WASHC2C: variants seen among roughly 807,000 people sequenced by gnomAD.
WASHC2C encodes Vaccinia Penetration Factor.
WASHC2C carries 73 observed loss-of-function variants against 142.2 expected under a neutral mutation model. That is an observed-to-expected ratio of 0.51 (90% CI 0.43 to 0.62). WASHC2C has a LOEUF of 0.62. Among genes scored for constraint, WASHC2C ranks in the 20% least tolerant of loss-of-function variants. The pLI, the probability that WASHC2C is intolerant of heterozygous loss-of-function variation, is 0.00. For missense variants in WASHC2C, 969 were observed against 1,531.7 expected (o/e 0.63, Z 6.13); for synonymous variants, 337 against 565.5 (o/e 0.60, Z 5.73).
intron 5 of WASHC2C, among the ~76,000 whole-genome samples, chr10:45,742,870 C>CTT (rs1446012396): frequency 6.8e-6 from 1 of 147,650 alleles, no homozygotes; most frequent in Non-Finnish European, 1.5e-5. Context: ...ACTTTGGCAT[C>CTT]TTTTTTCTTT....
intron 3 of WASHC2C, among the ~76,000 whole-genome samples, chr10:45,733,999 G>A (rs1389482973): frequency 2.6e-5 from 4 of 152,004 alleles, no homozygotes; most frequent in East Asian, 1.9e-4. Context: ...CGAGGTGGGC[G>A]GATCAGGAGG....
At chr10:45,769,337 C>A in intron 19 of WASHC2C, 112 bp from the exon 20 acceptor site, 1 of 1,445,682 alleles carries the variant, frequency 6.9e-7, no homozygotes, top group South Asian at 1.3e-5. Context: ...CAAGGATGGT[C>A]TTGATCTGCT....
chr10:45,784,302 A>ATACG (rs2135705343), intron 23 of WASHC2C, among the ~76,000 whole-genome samples: 3 of 68,950 alleles, frequency 4.4e-5, no homozygotes, highest in African/African-American at 1.7e-4. Flanking sequence ...ACATATATAT[A>ATACG]TATATATATA....
chr10:45,751,639 A>G (rs1157184486), intron 11 of WASHC2C, 86 bp downstream of exon 11: 3 of 811,212 alleles, frequency 3.7e-6, no homozygotes, highest in East Asian at 2.7e-5. Flanking sequence ...ACTGCTTTAC[A>G]TGCTGTTTTC....
intron 17 of WASHC2C, among the ~76,000 whole-genome samples, chr10:45,761,380 G>A (rs1259465020): frequency 6.6e-6 from 1 of 152,164 alleles, no homozygotes; most frequent in African/African-American, 2.4e-5. Flanking sequence ...TCATTTGTTG[G>A]TCAAGATGGT....
chr10:45,735,504 T>A (rs113991585), intron 3 of WASHC2C, among the ~76,000 whole-genome samples: 1 of 149,856 alleles, frequency 6.7e-6, no homozygotes, highest in Non-Finnish European at 1.5e-5. Context: ...GGATTACAGG[T>A]ATGAGCCTCC....
At chr10:45,754,892 C>T (rs782771519) in intron 14 of WASHC2C, 44 bp from the exon 15 acceptor site, 1 of 1,610,808 alleles carries the variant, frequency 6.2e-7, no homozygotes, top group Non-Finnish European at 8.5e-7. Flanking sequence ...TCAACCGGCC[C>T]ACACTGGCTC....
At chr10:45,789,824 G>C (rs2058290991) in intron 29 of WASHC2C, among the ~76,000 whole-genome samples, 1 of 147,092 alleles carries the variant, frequency 6.8e-6, no homozygotes, top group Non-Finnish European at 1.5e-5. Context: ...CAGCTCCACT[G>C]GTCCAGCTTG....
chr10:45,736,301 G>A (rs1554864650), intron 3 of WASHC2C, among the ~76,000 whole-genome samples: 1 of 149,568 alleles, frequency 6.7e-6, no homozygotes, highest in Non-Finnish European at 1.5e-5. Context: ...AGCTACTCAG[G>A]AGGCTGAGGC....
At chr10:45,748,461 T>C (rs2053129179) in intron 8 of WASHC2C, among the ~76,000 whole-genome samples, 1 of 152,040 alleles carries the variant, frequency 6.6e-6, no homozygotes, top group South Asian at 2.1e-4. Context: ...AGCTAGTTTT[T>C]GTATTTTTAG....
At chr10:45,779,416 A>T (rs1389373864) in intron 23 of WASHC2C, among the ~76,000 whole-genome samples, 3 of 151,804 alleles carry the variant, frequency 2.0e-5, no homozygotes, top group African/African-American at 4.8e-5. Context: ...CAGTTGTGGG[A>T]TGTAAACAGC....
chr10:45,741,646 GA>G (rs1324555302), intron 5 of WASHC2C, among the ~76,000 whole-genome samples: 28 of 152,134 alleles, frequency 1.8e-4, no homozygotes, highest in African/African-American at 6.8e-4. Context: ...GTTGTTGTGT[GA>G]AACGTCAGAA....
chr10:45,779,774 C>G (rs1413717069), intron 23 of WASHC2C, among the ~76,000 whole-genome samples: 1 of 152,044 alleles, frequency 6.6e-6, no homozygotes, highest in African/African-American at 2.4e-5. Flanking sequence ...ATCACAAGGT[C>G]AAGAGATCGA....
At chr10:45,743,189 C>T (rs879966978) in intron 5 of WASHC2C, among the ~76,000 whole-genome samples, 2 of 151,912 alleles carry the variant, frequency 1.3e-5, no homozygotes, top group Non-Finnish European at 2.9e-5. Flanking sequence ...ACCTTGACAT[C>T]TTTACCTAGG....
intron 16 of WASHC2C, among the ~76,000 whole-genome samples, chr10:45,757,396 GT>G (rs1395851520): frequency 6.7e-6 from 1 of 148,760 alleles, no homozygotes; most frequent in Admixed American, 6.7e-5. Flanking sequence ...CATGTAAGTT[GT>G]TTGAACTGTT....
chr10:45,754,358 G>C, intron 13 of WASHC2C, 128 bp from the exon 14 acceptor site: 1 of 1,536,864 alleles, frequency 6.5e-7, no homozygotes, highest in Non-Finnish European at 8.8e-7. Flanking sequence ...AAAATGGCTT[G>C]TTCAGGAAAA....
intron 13 of WASHC2C, among the ~76,000 whole-genome samples, chr10:45,754,092 A>C (rs1289336651): frequency 6.6e-6 from 1 of 151,742 alleles, no homozygotes; most frequent in South Asian, 2.1e-4. Flanking sequence ...GATGACTCAC[A>C]TGTTTTTGCG....
At chr10:45,748,408 G>T (rs2053121559) in intron 8 of WASHC2C, among the ~76,000 whole-genome samples, 1 of 149,376 alleles carries the variant, frequency 6.7e-6, no homozygotes, top group African/African-American at 2.5e-5. Flanking sequence ...TCATGCCTCA[G>T]CCTCCCAAGT....
At chr10:45,774,906 T>C (rs1297587897) in intron 21 of WASHC2C, among the ~76,000 whole-genome samples, 1 of 139,766 alleles carries the variant, frequency 7.2e-6, no homozygotes, top group Non-Finnish European at 1.6e-5. Flanking sequence ...AAAGTAAATA[T>C]GTGGTTAATG....
Sources: gnomAD v4.1 joint callset for allele counts (sites outside exome capture counted in the v4.1 genomes callset) on GRCh38, gnomAD v4.1.1 for gene constraint, MANE v1.5 for transcripts, NCBI Gene and HGNC (gene_info 2026-07-23, HGNC 2026-07-21) for gene names.